The following VPS13A variants were observed in gnomAD, a reference collection of about 807,000 sequenced individuals.
The protein encoded by VPS13A is intermembrane lipid transfer protein VPS13A.
In VPS13A, 264 loss-of-function variants were observed where a neutral mutation model predicts 390.9. That is an observed-to-expected ratio of 0.68 (90% CI 0.61 to 0.75). The LOEUF (loss-of-function observed/expected upper bound fraction) is 0.75. Among genes scored for constraint, VPS13A ranks in the 30% least tolerant of loss-of-function variants. VPS13A has a pLI of 0.00. For synonymous variants in VPS13A, 1,231 were observed against 1,227.1 expected, an observed-to-expected ratio of 1.00 and a Z score of -0.07; for missense variants, 3,409 against 3,733.9, an observed-to-expected ratio of 0.91 and a Z score of 2.27.
intron 71 of VPS13A, among the ~76,000 whole-genome samples, chr9:77,408,804 G>T (rs192680497): frequency 1.1e-4 from 16 of 152,314 alleles, no homozygotes; most frequent in Non-Finnish European, 1.5e-4. Flanking sequence ...TGGGAAGCTC[G>T]AACTGGGTGG....
Position 77,351,464 on chromosome 9 carries a change from A to T in VPS13A, c.7419+18A>T, listed in dbSNP as rs1484523291. 5.6e-6 allele frequency: 9 copies of T among 1,611,490 alleles called. No individual in the cohort carries two copies. On this transcript the variant is annotated intron_variant, in intron 53 of 71. Coordinates refer to ENST00000360280, the MANE Select transcript of VPS13A (RefSeq NM_033305.3). Reference sequence around the variant, plus strand: ...AGAAGGATGTAAGTATTGGGTTATTATGGTGTTCCCAGCAGCCTTTTTTAA... The same window carrying T: ...AGAAGGATGTAAGTATTGGGTTATTTTGGTGTTCCCAGCAGCCTTTTTTAA...
chr9:77,314,312 T>G (rs1485550473), intron 36 of VPS13A, among the ~76,000 whole-genome samples, 183 bp from the exon 37 acceptor site: 3 of 152,192 alleles, frequency 2.0e-5, no homozygotes, highest in African/African-American at 7.2e-5. Context: ...ATAGCTAATG[T>G]GAAAAATAAA....
intron 27 of VPS13A, among the ~76,000 whole-genome samples, chr9:77,281,494 A>G (rs1188997512): frequency 6.6e-6 from 1 of 152,142 alleles, no homozygotes; most frequent in African/African-American, 2.4e-5. Context: ...CTTGGTGGAC[A>G]ATTCTGTCAC....
Position 77,420,906 on chromosome 9 carries a change from T to C in VPS13A, c.*4900T>C, listed in dbSNP as rs1305241023. 2.0e-5 allele frequency: 3 copies of C among 152,202 alleles called. No homozygotes were observed. The highest frequency in any genetic ancestry group is 4.4e-5 in the Non-Finnish European group (3 of 68,028). The allele number at this position is 152,202 out of a possible 1,614,324, so 9.4% of individuals were successfully genotyped here. ...GCTGAAAAACATTCAAGTAAAAATGTAGCATAGATTACACTGAAATATTTT... is the reference window on the plus strand; with the variant it reads ...GCTGAAAAACATTCAAGTAAAAATGCAGCATAGATTACACTGAAATATTTT... On this transcript the variant is annotated 3_prime_UTR_variant, in exon 72 of 72. Coordinates refer to ENST00000360280, the MANE Select transcript of VPS13A (RefSeq NM_033305.3).
At chr9:77,188,464 G>A (rs758502428) in intron 1 of VPS13A, among the ~76,000 whole-genome samples, 20 of 152,214 alleles carry the variant, frequency 1.3e-4, no homozygotes, top group Admixed American at 1.2e-3. Flanking sequence ...TTTCATGGCT[G>A]TGTGGTAGTC....
At chr9:77,245,595 A>T (rs534245059) in intron 19 of VPS13A, among the ~76,000 whole-genome samples, 122 of 152,174 alleles carry the variant, frequency 8.0e-4, no homozygotes, top group Admixed American at 1.7e-3. Flanking sequence ...ATTTTAAGAG[A>T]TTTCACTTGA....
intron 45 of VPS13A, among the ~76,000 whole-genome samples, chr9:77,323,734 G>C (rs1482096672): frequency 6.6e-6 from 1 of 152,062 alleles, no homozygotes; most frequent in Non-Finnish European, 1.5e-5. Context: ...GGCATCCACT[G>C]ATCTGTCCTC....
chr9:77,192,202 T>C (rs755802337), intron 1 of VPS13A, among the ~76,000 whole-genome samples: 7 of 152,214 alleles, frequency 4.6e-5, no homozygotes, highest in Admixed American at 6.5e-5. Context: ...GATAGATCTT[T>C]CTCCATTCCT....
chr9:77,197,297 T>A (rs1217078377), intron 1 of VPS13A, among the ~76,000 whole-genome samples: 1 of 152,186 alleles, frequency 6.6e-6, no homozygotes, highest in African/African-American at 2.4e-5. Context: ...TAGTATTAAG[T>A]CCTATATTTC....
chr9:77,416,736 C>A lies in VPS13A; in HGVS notation c.*730C>A, dbSNP rs1005043235. Reference sequence around the variant, plus strand: ...TTGAAATATTTCCTCAAGCCTATTTCATGAGATCTACTTGGTTTACCCAAG... The same window carrying A: ...TTGAAATATTTCCTCAAGCCTATTTAATGAGATCTACTTGGTTTACCCAAG... On this transcript the variant is annotated 3_prime_UTR_variant, in exon 72 of 72. Transcript: ENST00000360280. The A allele has an allele frequency of 6.6e-6, 1 of 152,610 alleles. No homozygotes were observed. Among genetic ancestry groups the A allele is most frequent in the African/African-American group, 2.4e-5 (1 of 41,428 alleles). The allele number at this position is 152,610 out of a possible 1,614,324, so 9.5% of individuals were successfully genotyped here. A position where few individuals can be genotyped will look rare whatever the true frequency, so the allele number is the denominator to read the frequency against.
rs1822731846 is a variant in VPS13A at position 77,214,375 on chromosome 9, G to T, written c.743G>T (p.Gly248Val). The change falls in exon 10 of 72, where the codon GGT (glycine) becomes GTT (valine). Residue 248 changes from glycine to valine, a missense_variant. Transcript: ENST00000360280. ...GIVNENIVPE[G>V]YDFVFRPISA... ...GTCAATGAAAATATTGTTCCAGAAG[G>T]TTATGATTTTGGTAAGTACATTTTA... is the stretch of plus-strand genomic sequence containing the variant. 16 of 1,612,538 alleles carry T rather than the reference G, an allele frequency of 9.9e-6. No homozygotes were observed. The East Asian group carries it at 3.3e-4, about 34-fold the overall frequency.
intron 45 of VPS13A, among the ~76,000 whole-genome samples, chr9:77,326,634 A>G (rs1830031388): frequency 6.6e-6 from 1 of 151,842 alleles, no homozygotes; most frequent in Non-Finnish European, 1.5e-5. Flanking sequence ...TTTTAGTGAT[A>G]TTGGATATAA....
At chr9:77,280,679 A>G (rs546556029) in intron 27 of VPS13A, among the ~76,000 whole-genome samples, 2 of 152,142 alleles carry the variant, frequency 1.3e-5, no homozygotes, top group East Asian at 1.9e-4. Context: ...AAGCTTTTCT[A>G]TGTACTATGG....
intron 34 of VPS13A, among the ~76,000 whole-genome samples, chr9:77,306,401 A>AGT (rs1554885495): frequency 9.3e-6 from 1 of 107,696 alleles, no homozygotes; most frequent in East Asian, 3.1e-4. Context: ...AGAGAGAGAG[A>AGT]GTGTGTGTGT....
chr9:77,370,387 T>C, intron 64 of VPS13A, 28 bp from the exon 65 acceptor site: 1 of 1,614,178 alleles, frequency 6.2e-7, no homozygotes, highest in Non-Finnish European at 8.5e-7. Context: ...ATGGCATCAT[T>C]ACTTTTACTA....
chr9:77,416,272 T>C lies in VPS13A; in HGVS notation c.*266T>C. On this transcript the variant is annotated 3_prime_UTR_variant, in exon 72 of 72. Coordinates refer to ENST00000360280, the MANE Select transcript of VPS13A (RefSeq NM_033305.3). ...TGCATCTATTTATAATTCTAATTAT[T>C]TTGTAAAAGAAGACAAAATTATGAA... 2.7e-6 allele frequency: 1 copy of C among 374,932 alleles called. No individual in the cohort carries two copies. The highest frequency in any genetic ancestry group is 2.8e-5 in the South Asian group (1 of 35,278). 23.2% of individuals were successfully genotyped at this position (374,932 alleles called of 1,614,324 possible).
At position 77,356,789 on chromosome 9, in the gene VPS13A, G is replaced by A; in HGVS notation, c.7728G>A (p.Lys2576=). The change falls in exon 55 of 72, where the codon AAG becomes AAA. Residue 2576 remains lysine (K), a synonymous_variant. Coordinates refer to ENST00000360280, the MANE Select transcript of VPS13A (RefSeq NM_033305.3). ...CAATGAGTGTAAAGCACACTGAGAA[G>A]TTAGAGAGAGAATTTAAGGAATATA... is the stretch of plus-strand genomic sequence containing the variant. ...WKPMSVKHTE[K]LEREFKEYTE... 2 of 1,613,908 alleles carry A rather than the reference G, an allele frequency of 1.2e-6. No individual in the cohort carries two copies. The highest frequency in any genetic ancestry group is 1.7e-6 in the Non-Finnish European group (2 of 1,179,920).
intron 46 of VPS13A, among the ~76,000 whole-genome samples, chr9:77,336,434 G>A (rs988404645): frequency 1.5e-4 from 23 of 151,818 alleles, no homozygotes; most frequent in Middle Eastern, 3.4e-3. Context: ...GCACTGTTCC[G>A]CATCTATTGA....
chr9:77,274,226 G>A (rs1340325839), intron 24 of VPS13A, among the ~76,000 whole-genome samples: 3 of 151,958 alleles, frequency 2.0e-5, no homozygotes, highest in Non-Finnish European at 2.9e-5. Flanking sequence ...TCAAGAGATC[G>A]AGACCATTCT....
Sources: gnomAD v4.1 joint callset for allele counts (sites outside exome capture counted in the v4.1 genomes callset) on GRCh38, gnomAD v4.1.1 for gene constraint, MANE v1.5 for transcripts, NCBI Gene and HGNC (gene_info 2026-07-23, HGNC 2026-07-21) for gene names.